Variants in MB21D2 observed in about 807,000 individuals in gnomAD.
MB21D2 encodes the protein Mab-21 domain containing 2, also known as nucleotidyltransferase MB21D2.
In MB21D2, 9 loss-of-function variants were observed where a neutral mutation model predicts 33.3. That is an observed-to-expected ratio of 0.27 (90% CI 0.16 to 0.47). The LOEUF (loss-of-function observed/expected upper bound fraction) is 0.47, where lower values mean the gene tolerates loss of function less well. MB21D2 is among the 20% of genes least tolerant of loss of function. The probability of loss-of-function intolerance (pLI) is 0.99; values close to 1 mark genes in which losing one functional copy is unlikely to be tolerated. For synonymous variants in MB21D2, 241 were observed against 236.3 expected, an observed-to-expected ratio of 1.02 and a Z score of -0.18; for missense variants, 540 against 624.6, an observed-to-expected ratio of 0.86 and a Z score of 1.44.
chr3:192,876,615 A>T (rs1275267862), intron 1 of MB21D2, among the ~76,000 whole-genome samples: 2 of 152,180 alleles, frequency 1.3e-5, no homozygotes, highest in Non-Finnish European at 2.9e-5. Context: ...ATAGCGCCCT[A>T]CATCCTGAGG....
At chr3:192,816,789 T>C (rs556894672) in intron 1 of MB21D2, among the ~76,000 whole-genome samples, 1 of 152,254 alleles carries the variant, frequency 6.6e-6, no homozygotes, top group South Asian at 2.1e-4. Context: ...ACAGGCACGC[T>C]TGAATGTGGA....
At chr3:192,911,302 A>G (rs1714346645) in intron 1 of MB21D2, among the ~76,000 whole-genome samples, 1 of 152,130 alleles carries the variant, frequency 6.6e-6, no homozygotes, top group Admixed American at 6.5e-5. Flanking sequence ...AAGTCCTATT[A>G]AAACCTGTGA....
chr3:192,874,212 A>T (rs1560246467), intron 1 of MB21D2, among the ~76,000 whole-genome samples: 1 of 152,184 alleles, frequency 6.6e-6, no homozygotes, highest in African/African-American at 2.4e-5. Context: ...CTGTGTAAAA[A>T]CTTACTGGGC....
At chr3:192,873,977 T>G (rs1247169423) in intron 1 of MB21D2, among the ~76,000 whole-genome samples, 1 of 152,164 alleles carries the variant, frequency 6.6e-6, no homozygotes. Context: ...TGGGCCTTAG[T>G]GCATTTATTC....
chr3:192,850,193 C>T (rs554815247), intron 1 of MB21D2, among the ~76,000 whole-genome samples: 1 of 152,294 alleles, frequency 6.6e-6, no homozygotes, highest in South Asian at 2.1e-4. Context: ...GCCAGGATTA[C>T]AGGCATGAGC....
intron 1 of MB21D2, among the ~76,000 whole-genome samples, chr3:192,873,355 G>C (rs1713353625): frequency 6.6e-6 from 1 of 152,144 alleles, no homozygotes; most frequent in African/African-American, 2.4e-5. Context: ...AGCACACAAA[G>C]AGAGTGAAAT....
intron 1 of MB21D2, among the ~76,000 whole-genome samples, chr3:192,911,957 G>A (rs768600224): frequency 6.6e-5 from 10 of 152,142 alleles, no homozygotes; most frequent in Admixed American, 2.6e-4. Context: ...AAACACCAAC[G>A]CACCATAAAT....
chr3:192,824,755 A>T (rs939817775), intron 1 of MB21D2, among the ~76,000 whole-genome samples: 1 of 151,956 alleles, frequency 6.6e-6, no homozygotes, highest in South Asian at 2.1e-4. Context: ...TTGAGTGTTA[A>T]CTCTTTGCCA....
At chr3:192,842,903 C>T (rs1291237780) in intron 1 of MB21D2, among the ~76,000 whole-genome samples, 1 of 152,136 alleles carries the variant, frequency 6.6e-6, no homozygotes, top group Non-Finnish European at 1.5e-5. Context: ...ACAAAAGGAC[C>T]CTAGCCTTTG....
intron 1 of MB21D2, among the ~76,000 whole-genome samples, chr3:192,801,538 G>A (rs1281899484): frequency 3.3e-5 from 5 of 152,138 alleles, no homozygotes; most frequent in African/African-American, 9.7e-5. Context: ...GTGATCAGGC[G>A]TGAGAGTGGA....
At chr3:192,875,108 G>A (rs765911708) in intron 1 of MB21D2, among the ~76,000 whole-genome samples, 11 of 152,056 alleles carry the variant, frequency 7.2e-5, no homozygotes, top group Admixed American at 2.6e-4. Flanking sequence ...TTTAACAAAC[G>A]GAAAGCAGTT....
At chr3:192,845,395 A>G (rs919186655) in intron 1 of MB21D2, among the ~76,000 whole-genome samples, 8 of 152,236 alleles carry the variant, frequency 5.3e-5, no homozygotes, top group African/African-American at 1.9e-4. Flanking sequence ...GCTTTGTGGT[A>G]GAGAACGTTT....
At chr3:192,852,883 G>A (rs1251430273) in intron 1 of MB21D2, among the ~76,000 whole-genome samples, 3 of 152,092 alleles carry the variant, frequency 2.0e-5, no homozygotes, top group Admixed American at 6.5e-5. Flanking sequence ...ATTACTCCAG[G>A]TTTTCCTGTT....
chr3:192,884,195 A>G (rs528633681), intron 1 of MB21D2, among the ~76,000 whole-genome samples: 1 of 152,204 alleles, frequency 6.6e-6, no homozygotes, highest in African/African-American at 2.4e-5. Context: ...CATTTCCTTC[A>G]TTACTATTGT....
intron 1 of MB21D2, among the ~76,000 whole-genome samples, chr3:192,893,561 G>A (rs1243487246): frequency 2.0e-5 from 3 of 152,162 alleles, no homozygotes; most frequent in Admixed American, 6.5e-5. Flanking sequence ...TGACTGTATG[G>A]GAAAACATCG....
At chr3:192,908,462 G>A (rs1418090847) in intron 1 of MB21D2, among the ~76,000 whole-genome samples, 3 of 150,042 alleles carry the variant, frequency 2.0e-5, no homozygotes, top group East Asian at 2.0e-4. Flanking sequence ...ACAGTGACGC[G>A]ATCTAGGCTC....
chr3:192,840,609 A>C (rs1221226392), intron 1 of MB21D2, among the ~76,000 whole-genome samples: 1 of 151,896 alleles, frequency 6.6e-6, no homozygotes, highest in Non-Finnish European at 1.5e-5. Flanking sequence ...TATGGTAGAA[A>C]GTTTCTCGTG....
intron 1 of MB21D2, among the ~76,000 whole-genome samples, chr3:192,851,640 A>G (rs1459382949): frequency 6.7e-6 from 1 of 150,276 alleles, no homozygotes; most frequent in Admixed American, 6.6e-5. Context: ...GATTAAGGGC[A>G]TGCACCGCCA....
At chr3:192,886,161 T>A (rs1355270691) in intron 1 of MB21D2, among the ~76,000 whole-genome samples, 3 of 152,098 alleles carry the variant, frequency 2.0e-5, no homozygotes, top group South Asian at 2.1e-4. Flanking sequence ...GGTTTCACCA[T>A]CTCGGTCAGG....
Sources: allele counts gnomAD v4.1 joint callset (sites outside exome capture counted in the v4.1 genomes callset), GRCh38; gene constraint gnomAD v4.1.1; transcripts MANE v1.5; gene names NCBI Gene and HGNC (gene_info 2026-07-23, HGNC 2026-07-21).